The following PARD3B variants were observed in gnomAD, a reference collection of about 807,000 sequenced individuals.
PARD3B encodes partitioning defective 3 homolog B.
Under a neutral mutation model 130.2 loss-of-function variants are expected in PARD3B, and 103 were observed. The observed-to-expected ratio is 0.79, with a 90% CI of 0.67 to 0.93. The LOEUF (loss-of-function observed/expected upper bound fraction) is 0.93, where lower values mean the gene tolerates loss of function less well. PARD3B is among the 40% of genes least tolerant of loss of function. PARD3B has a pLI of 0.00. For missense variants in PARD3B, 1,609 were observed against 1,499.2 expected (o/e 1.07, Z -1.21); for synonymous variants, 583 against 553.2 (o/e 1.05, Z -0.76).
intron 18 of PARD3B, among the ~76,000 whole-genome samples, chr2:205,399,608 G>T (rs1315128801): frequency 2.6e-5 from 4 of 152,122 alleles, no homozygotes; most frequent in Non-Finnish European, 5.9e-5. Context: ...ACCTGCCTTG[G>T]CCTCCCAAAG....
At chr2:204,812,866 C>T (rs909148086) in intron 2 of PARD3B, among the ~76,000 whole-genome samples, 1 of 152,106 alleles carries the variant, frequency 6.6e-6, no homozygotes, top group Non-Finnish European at 1.5e-5. Flanking sequence ...AAACAACTAC[C>T]TGACCATCCC....
At chr2:204,641,495 GTTATAT>G (rs1399461900) in intron 1 of PARD3B, among the ~76,000 whole-genome samples, 1 of 151,820 alleles carries the variant, frequency 6.6e-6, no homozygotes, top group African/African-American at 2.4e-5. Context: ...CTAAATTAGT[GTTATAT>G]TTATAGTTGT....
chr2:204,756,400 A>G (rs962400946), intron 2 of PARD3B, among the ~76,000 whole-genome samples: 5 of 152,210 alleles, frequency 3.3e-5, no homozygotes, highest in Middle Eastern at 3.4e-3. Flanking sequence ...GAATAGTGAT[A>G]CAAATGGTTG....
At chr2:204,780,886 A>G (rs1228391952) in intron 2 of PARD3B, among the ~76,000 whole-genome samples, 2 of 152,168 alleles carry the variant, frequency 1.3e-5, no homozygotes, top group African/African-American at 4.8e-5. Context: ...GAAAGAAAAA[A>G]AAAAAGATAT....
At chr2:204,862,774 G>C (rs1047693007) in intron 2 of PARD3B, among the ~76,000 whole-genome samples, 1 of 152,090 alleles carries the variant, frequency 6.6e-6, no homozygotes, top group Non-Finnish European at 1.5e-5. Flanking sequence ...CCAGGTTCTT[G>C]TCACACGACC....
At chr2:204,590,877 A>C (rs2033044218) in intron 1 of PARD3B, among the ~76,000 whole-genome samples, 1 of 152,238 alleles carries the variant, frequency 6.6e-6, no homozygotes, top group African/African-American at 2.4e-5. Flanking sequence ...AACAAGAATC[A>C]AAAGGTGTTT....
In PARD3B at chr2:205,292,551, G is replaced by A. The variant is rs1176806956; in HGVS notation, c.2186-7979G>A. On this transcript the variant is annotated intron_variant, in intron 16 of 22. Transcript: ENST00000406610. The surrounding 1 kb of genome is among the most constrained non-coding windows in gnomAD (Gnocchi z 5.3). ...GTGGTGAGATGCTCAGCATGAGAGAGGCAAGCAAAGACCCGCAGAGAACAA... is the reference window on the plus strand; with the variant it reads ...GTGGTGAGATGCTCAGCATGAGAGAAGCAAGCAAAGACCCGCAGAGAACAA... Among the ~76,000 whole-genome samples, 1 of 152,118 alleles carries A rather than the reference G, an allele frequency of 6.6e-6. No homozygotes were observed. Among genetic ancestry groups the A allele is most frequent in the Non-Finnish European group, 1.5e-5 (1 of 68,040 alleles).
In PARD3B at chr2:204,710,313, G is replaced by A. The variant is rs148611882; in HGVS notation, c.222+24031G>A. On this transcript the variant is annotated intron_variant, in intron 2 of 22. Coordinates refer to ENST00000406610, the MANE Select transcript of PARD3B (RefSeq NM_001302769.2). ...TGGCACATACTGCCTAAGAAATGCCGTTTCCATATATTCTGAATGGAGGGA... is the reference window on the plus strand; with the variant it reads ...TGGCACATACTGCCTAAGAAATGCCATTTCCATATATTCTGAATGGAGGGA... Among the ~76,000 whole-genome samples the A allele has an allele frequency of 4.4e-3, 671 of 152,290 alleles. 2 individuals carry two copies. The highest frequency in any genetic ancestry group is 0.01 in the African/African-American group (428 of 41,564).
chr2:205,503,000 C>CCTCCCCT (rs771235488), intron 21 of PARD3B, among the ~76,000 whole-genome samples: 42 of 149,200 alleles, frequency 2.8e-4, no homozygotes, highest in African/African-American at 5.7e-4. Flanking sequence ...TCCCTTATCC[C>CCTCCCCT]CTCCCCTCTC....
At chr2:204,804,202 C>T (rs145235159) in intron 2 of PARD3B, among the ~76,000 whole-genome samples, 2 of 152,210 alleles carry the variant, frequency 1.3e-5, no homozygotes, top group Non-Finnish European at 2.9e-5. Context: ...ATACTCCAGC[C>T]TAGGCGACAG....
chr2:205,074,201 A>C (rs376123646), intron 4 of PARD3B, among the ~76,000 whole-genome samples: 2 of 152,184 alleles, frequency 1.3e-5, no homozygotes, highest in African/African-American at 4.8e-5. Context: ...GCACTTTCTG[A>C]AATAATTTTG....
At chr2:205,245,911 T>C in intron 16 of PARD3B, 89 bp downstream of exon 16, 3 of 1,097,510 alleles carry the variant, frequency 2.7e-6, no homozygotes, top group South Asian at 1.3e-5. Flanking sequence ...TTCTATCCAC[T>C]AGTCACTGAA....
rs752726864 is a variant in PARD3B at position 205,440,549 on chromosome 2, C to T, written c.2921C>T (p.Pro974Leu). ...GCAAATGTCTTTAGATCTCCATCTC[C>T]CCCTCGAGCTGGACCATTTGGTTAC... ...TSANVFRSPS[P>L]PRAGPFGYPR... Residue 974 changes from proline to leucine, a missense_variant, in exon 20 of 23, where the codon CCC (proline) becomes CTC (leucine). Coordinates refer to ENST00000406610, the MANE Select transcript of PARD3B (RefSeq NM_001302769.2). The surrounding 1 kb of genome is among the most constrained non-coding windows in gnomAD (Gnocchi z 4.2). 38 of 1,613,924 alleles carry T rather than the reference C, an allele frequency of 2.4e-5. No individual in the cohort carries two copies. The highest frequency in any genetic ancestry group is 1.6e-4 in the East Asian group (7 of 44,868).
At chr2:204,668,207 G>C (rs1257202727) in intron 1 of PARD3B, among the ~76,000 whole-genome samples, 1 of 152,290 alleles carries the variant, frequency 6.6e-6, no homozygotes, top group East Asian at 1.9e-4. Flanking sequence ...AAGGTCAATG[G>C]ATGGACTGAT....
At chr2:205,375,894 C>T (rs1370249622) in intron 18 of PARD3B, among the ~76,000 whole-genome samples, 1 of 152,130 alleles carries the variant, frequency 6.6e-6, no homozygotes, top group African/African-American at 2.4e-5. Flanking sequence ...AATGAAAGCA[C>T]ACTTGTCCTG....
intron 1 of PARD3B, among the ~76,000 whole-genome samples, chr2:204,654,934 C>G (rs1026557423): frequency 6.6e-6 from 1 of 152,150 alleles, no homozygotes; most frequent in African/African-American, 2.4e-5. Context: ...GAGCAGGACT[C>G]TTTGAGACCT....
intron 2 of PARD3B, among the ~76,000 whole-genome samples, chr2:204,698,460 A>G (rs1015739195): frequency 2.0e-5 from 3 of 152,084 alleles, no homozygotes; most frequent in African/African-American, 7.2e-5. Context: ...GCTTAGATTT[A>G]CTAGGCAAGA....
chr2:204,679,184 AC>A (rs1574681767), intron 1 of PARD3B, among the ~76,000 whole-genome samples: 1 of 152,168 alleles, frequency 6.6e-6, no homozygotes, highest in East Asian at 1.9e-4. Context: ...TGTAGTTTAT[AC>A]ATTCTACTGG....
chr2:204,914,144 C>G (rs559793739), intron 2 of PARD3B, among the ~76,000 whole-genome samples: 1 of 152,144 alleles, frequency 6.6e-6, no homozygotes, highest in Non-Finnish European at 1.5e-5. Context: ...GGGGAGGAGC[C>G]GGGCCTCTCC....
Sources: gnomAD v4.1 joint callset for allele counts (sites outside exome capture counted in the v4.1 genomes callset) on GRCh38, gnomAD v4.1.1 for gene constraint, Gnocchi (gnomAD v3.1) non-coding constraint, MANE v1.5 for transcripts, NCBI Gene and HGNC (gene_info 2026-07-23, HGNC 2026-07-21) for gene names.